The following SUPT6H variants were observed in gnomAD, a reference collection of about 807,000 sequenced individuals.
SUPT6H encodes the protein transcription elongation factor SPT6.
Under a neutral mutation model 222.3 loss-of-function variants are expected in SUPT6H, and 11 were observed. That is an observed-to-expected ratio of 0.05 (90% CI 0.03 to 0.08). The LOEUF (loss-of-function observed/expected upper bound fraction) is 0.08. Among genes scored for constraint, SUPT6H ranks in the 10% least tolerant of loss-of-function variants. The pLI is 1.00. For synonymous variants in SUPT6H, 762 were observed against 801.2 expected (o/e 0.95, Z 0.83); for missense variants, 1,422 against 2,216.0 (o/e 0.64, Z 7.19).
At chr17:28,695,223 G>A (rs2031846768) in intron 28 of SUPT6H, 129 bp from the exon 29 acceptor site, 10 of 895,222 alleles carry the variant, frequency 1.1e-5, no homozygotes, top group Non-Finnish European at 1.7e-5. Flanking sequence ...TTCAGCAGCT[G>A]GCTGGCTTTG....
At position 28,697,610 on chromosome 17, in the gene SUPT6H, C is replaced by T; in HGVS notation, c.4210-10C>T. On this transcript the variant is annotated splice_polypyrimidine_tract_variant and intron_variant, in intron 30 of 36. Transcript: ENST00000314616. ...ATATGACACATGGGGCCTTTACCTTCTTCCCACAGGAATTCGAAGATTTGG... is the reference window on the plus strand; with the variant it reads ...ATATGACACATGGGGCCTTTACCTTTTTCCCACAGGAATTCGAAGATTTGG... The T allele has an allele frequency of 6.2e-7, 1 of 1,612,150 alleles. No individual in the cohort carries two copies.
chr17:28,673,869 T>C (rs2030577926), intron 2 of SUPT6H, among the ~76,000 whole-genome samples: 1 of 152,216 alleles, frequency 6.6e-6, no homozygotes, highest in Non-Finnish European at 1.5e-5. Flanking sequence ...GCCCAATCTT[T>C]AGAATTGTCA....
At chr17:28,674,761 T>G in intron 4 of SUPT6H, 148 bp downstream of exon 4, 1 of 903,806 alleles carries the variant, frequency 1.1e-6, no homozygotes, top group Non-Finnish European at 1.7e-6. Flanking sequence ...GAGCCTAGAT[T>G]TGCATCCCAG....
intron 30 of SUPT6H, 83 bp downstream of exon 30, chr17:28,697,165 T>G: frequency 4.2e-6 from 5 of 1,176,506 alleles, no homozygotes; most frequent in Non-Finnish European, 6.3e-6. Flanking sequence ...CTGACATTAG[T>G]AACTCGGGTC....
At chr17:28,683,445 G>A (rs780800455) in intron 16 of SUPT6H, 23 bp downstream of exon 16, 20 of 1,612,932 alleles carry the variant, frequency 1.2e-5, no homozygotes, top group Admixed American at 5.0e-5. Context: ...CTGGGCTGGC[G>A]ACTCTCTGGG....
At chr17:28,695,903 G>A (rs1193090374) in intron 29 of SUPT6H, among the ~76,000 whole-genome samples, 2 of 152,140 alleles carry the variant, frequency 1.3e-5, no homozygotes, top group Non-Finnish European at 2.9e-5. Flanking sequence ...GTGGCTCACG[G>A]CTGTAGCCCT....
chr17:28,681,766 G>A (rs976602034), intron 12 of SUPT6H, 116 bp from the exon 13 acceptor site: 77 of 810,494 alleles, frequency 9.5e-5, no homozygotes, highest in African/African-American at 1.4e-4. Flanking sequence ...GACAGCCCAT[G>A]GCATCTTGAA....
intron 11 of SUPT6H, chr17:28,680,991 C>A (rs1382666217): frequency 5.1e-6 from 2 of 388,968 alleles, no homozygotes. Flanking sequence ...TCTTCTGTTG[C>A]CTAGGATGGA....
rs767980924 is a variant in SUPT6H at position 28,690,069 on chromosome 17, G to A, written c.3343-13G>A. Reference sequence around the variant, plus strand: ...GCAGCTGCAAGGCTCTTCTTGATGGGCTTCTTCCCCAGGGCTATGGTGACA... The same window carrying A: ...GCAGCTGCAAGGCTCTTCTTGATGGACTTCTTCCCCAGGGCTATGGTGACA... On this transcript the variant is annotated splice_polypyrimidine_tract_variant and intron_variant, in intron 25 of 36. Coordinates refer to ENST00000314616, the MANE Select transcript of SUPT6H (RefSeq NM_003170.5). The A allele has an allele frequency of 1.9e-6, 3 of 1,605,298 alleles. No homozygotes were observed. Among genetic ancestry groups the A allele is most frequent in the Admixed American group, 1.7e-5 (1 of 59,398 alleles).
In SUPT6H at chr17:28,678,550, T is replaced by C; in HGVS notation, c.1122T>C (p.Pro374=). ...CAGTCTCTTTGCCATCCTAGGTGCC[T>C]TTTATTGCCTTCTATCGAAAGGAGT... ...GFMRNQHFEV[P]FIAFYRKEYV... Residue 374 remains proline (P), a synonymous_variant, in exon 10 of 37, where the codon CCT becomes CCC. Coordinates refer to ENST00000314616, the MANE Select transcript of SUPT6H (RefSeq NM_003170.5). 1 of 1,614,048 alleles carries C rather than the reference T, an allele frequency of 6.2e-7. No homozygotes were observed. The highest frequency in any genetic ancestry group is 8.5e-7 in the Non-Finnish European group (1 of 1,179,918).
intron 25 of SUPT6H, 44 bp from the exon 26 acceptor site, chr17:28,690,038 T>TG: frequency 6.3e-7 from 1 of 1,588,076 alleles, no homozygotes. Context: ...AGGCTCAGGT[T>TG]GGGGGGCAGC....
intron 13 of SUPT6H, 74 bp downstream of exon 13, chr17:28,682,054 G>A: frequency 7.8e-7 from 1 of 1,282,060 alleles, no homozygotes; most frequent in Non-Finnish European, 1.1e-6. Context: ...AAGACTGGTA[G>A]GTAGGAAAAA....
In SUPT6H at chr17:28,681,897, CAGA is replaced by C. The variant is rs1053399586; in HGVS notation, c.1518_1520del (p.Glu506del). 2 of 1,609,350 alleles carry C rather than the reference CAGA, an allele frequency of 1.2e-6. No individual in the cohort carries two copies. The highest frequency in any genetic ancestry group is 2.7e-5 in the African/African-American group (2 of 74,828). On this transcript the variant is annotated inframe_deletion, in exon 13 of 37. Coordinates refer to ENST00000314616, the MANE Select transcript of SUPT6H (RefSeq NM_003170.5). ...TTCTTCCCAGGTGAAGGTGACGAGGCAGAAGATGAGGAGCAGAGGGGGCCTGAG... is the reference window on the plus strand; with the variant it reads ...TTCTTCCCAGGTGAAGGTGACGAGGCAGATGAGGAGCAGAGGGGGCCTGAG...
Position 28,684,622 on chromosome 17 carries a change from G to A in SUPT6H, c.2266G>A (p.Ala756Thr). 6.2e-7 allele frequency: 1 copy of A among 1,614,148 alleles called. No homozygotes were observed. The highest frequency in any genetic ancestry group is 8.5e-7 in the Non-Finnish European group (1 of 1,180,028). ...SRKLYNWLRV[A>T]PYRPDQQVEE... ...AAAGCTCTACAATTGGTTGAGAGTG[G>A]CACCCTACCGACCAGATCAGCAGGT... is the stretch of plus-strand genomic sequence containing the variant. Residue 756 changes from alanine to threonine, a missense_variant, in exon 18 of 37, where the codon GCA (alanine) becomes ACA (threonine). Around this residue, in one of 13 missense-constraint regions of SUPT6H, gnomAD observed 294 missense variants for 382.1 expected, o/e 0.77. Transcript: ENST00000314616.
chr17:28,692,230 A>C (rs2031693100), intron 27 of SUPT6H, among the ~76,000 whole-genome samples: 1 of 151,132 alleles, frequency 6.6e-6, no homozygotes, highest in Admixed American at 6.6e-5. Flanking sequence ...AGGCTGAGGC[A>C]GGAGAATGGT....
At chr17:28,671,211 A>C (rs1189268040) in intron 1 of SUPT6H, 1 of 152,210 alleles carries the variant, frequency 6.6e-6, no homozygotes, top group Non-Finnish European at 1.5e-5. Flanking sequence ...TTAACTGGGA[A>C]GATGGCAGCA....
At chr17:28,683,464 G>A in intron 16 of SUPT6H, 42 bp downstream of exon 16, 3 of 1,609,486 alleles carry the variant, frequency 1.9e-6, no homozygotes, top group Middle Eastern at 3.3e-4. Context: ...GGGAAGGCCT[G>A]ATGAGGAGTC....
intron 17 of SUPT6H, 34 bp from the exon 18 acceptor site, chr17:28,684,552 A>G: frequency 6.2e-7 from 1 of 1,612,970 alleles, no homozygotes; most frequent in East Asian, 2.2e-5. Context: ...TAATGTCATC[A>G]TGTATGTAAT....
Position 28,684,873 on chromosome 17 carries a change from A to G in SUPT6H, c.2399A>G (p.Asn800Ser), listed in dbSNP as rs190479497. ...RDHPVFCALV[N>S]GEGEVTDFLR... ...CACCCTGTGTTCTGCGCCCTGGTCA[A>G]TGGTGAAGGAGAAGTGACAGACTTC... is the stretch of plus-strand genomic sequence containing the variant. Residue 800 changes from asparagine (N) to serine (S), a missense_variant, in exon 19 of 37, where the codon AAT (asparagine) becomes AGT (serine). This residue lies in a region of SUPT6H where 294 missense variants were observed against 382.1 expected (regional missense o/e 0.77). Transcript: ENST00000314616. 9.0e-4 allele frequency: 1,454 copies of G among 1,614,222 alleles called. 10 individuals carry two copies. Among genetic ancestry groups the G allele is most frequent in the East Asian group, 7.1e-3 (320 of 44,890 alleles).
Sources: allele counts gnomAD v4.1 joint callset (sites outside exome capture counted in the v4.1 genomes callset), GRCh38; gene constraint gnomAD v4.1.1; regional missense constraint gnomAD v4.1.1; transcripts MANE v1.5; gene names NCBI Gene and HGNC (gene_info 2026-07-23, HGNC 2026-07-21).